The following GPC3 variants were observed in gnomAD, a reference collection of about 807,000 sequenced individuals.
GPC3 encodes glypican 3, also known as glypican-3.
Under a neutral mutation model 34.4 loss-of-function variants are expected in GPC3, and 3 were observed. The ratio of observed to expected loss-of-function variants is 0.09; its 90% confidence interval spans 0.04 to 0.23. The LOEUF (loss-of-function observed/expected upper bound fraction) is 0.23. Ranked by LOEUF, GPC3 falls within the 10% of genes least tolerant of loss-of-function variation. The probability of loss-of-function intolerance (pLI) is 1.00; values close to 1 mark genes in which losing one functional copy is unlikely to be tolerated. For missense variants in GPC3, 351 were observed against 445.6 expected (o/e 0.79, Z 1.91); for synonymous variants, 177 against 174.0 (o/e 1.02, Z -0.13).
intron 6 of GPC3, among the ~76,000 whole-genome samples, chrX:133,617,565 G>A (rs1371991104): frequency 4.5e-5 from 5 of 112,080 alleles, no homozygotes; most frequent in African/African-American, 1.6e-4. Flanking sequence ...TGTACTAAAT[G>A]CTCAAAAGAG....
At chrX:133,671,399 T>C (rs1251656957) in intron 5 of GPC3, 1 of 511,703 alleles carries the variant, frequency 2.0e-6, no homozygotes, top group African/African-American at 2.4e-5. Flanking sequence ...GGCTGCAATA[T>C]GTTATCTGCG....
intron 2 of GPC3, among the ~76,000 whole-genome samples, chrX:133,881,582 T>C (rs1395126235): frequency 8.9e-6 from 1 of 112,710 alleles, no homozygotes; most frequent in Non-Finnish European, 1.9e-5. Context: ...TTGATCATCA[T>C]GTATGTTTCA....
intron 2 of GPC3, among the ~76,000 whole-genome samples, chrX:133,757,077 G>A (rs952811358): frequency 1.8e-5 from 2 of 112,248 alleles, no homozygotes; most frequent in African/African-American, 6.5e-5. Context: ...TCTTTCCTGG[G>A]AAGAAATCAA....
chrX:133,865,192 C>A (rs1238775226), intron 2 of GPC3, among the ~76,000 whole-genome samples: 1 of 112,013 alleles, frequency 8.9e-6, no homozygotes, highest in African/African-American at 3.2e-5. Flanking sequence ...CCTCTGTCAT[C>A]AAAAATTCAA....
intron 3 of GPC3, among the ~76,000 whole-genome samples, chrX:133,717,469 T>C (rs1462014995): frequency 9.0e-6 from 1 of 111,445 alleles, no homozygotes; most frequent in Non-Finnish European, 1.9e-5. Flanking sequence ...CCTAATTGGT[T>C]ATGTTATCTA....
At chrX:133,795,427 G>C (rs949776996) in intron 2 of GPC3, among the ~76,000 whole-genome samples, 2 of 111,355 alleles carry the variant, frequency 1.8e-5, no homozygotes, top group African/African-American at 6.5e-5. Context: ...GTCACACATG[G>C]TCCCAATTCC....
chrX:133,843,239 A>G (rs769417478), intron 2 of GPC3, among the ~76,000 whole-genome samples: 1 of 111,208 alleles, frequency 9.0e-6, no homozygotes, highest in Non-Finnish European at 1.9e-5. Flanking sequence ...TCTATTCCCA[A>G]TGTTGGAGGT....
At chrX:133,858,101 G>A (rs1249931076) in intron 2 of GPC3, among the ~76,000 whole-genome samples, 1 of 111,495 alleles carries the variant, frequency 9.0e-6, no homozygotes, top group Non-Finnish European at 1.9e-5. Context: ...GTGGAACAAT[G>A]GGAAACTCAG....
chrX:133,894,703 C>T (rs1333093887), intron 2 of GPC3, among the ~76,000 whole-genome samples: 1 of 111,401 alleles, frequency 9.0e-6, no homozygotes, highest in African/African-American at 3.3e-5. Flanking sequence ...AGCCGGGCAT[C>T]GCGGTGCGTG....
chrX:133,831,234 T>C (rs938628260), intron 2 of GPC3, among the ~76,000 whole-genome samples: 3 of 111,762 alleles, frequency 2.7e-5, no homozygotes, highest in African/African-American at 9.8e-5. Context: ...AAAATACATT[T>C]TTAAAGTGTA....
intron 5 of GPC3, among the ~76,000 whole-genome samples, chrX:133,668,329 A>T (rs1267245289): frequency 1.8e-5 from 2 of 111,813 alleles, no homozygotes; most frequent in Non-Finnish European, 3.8e-5. Context: ...AGAGGCAAAG[A>T]ACATATTCAA....
At chrX:133,729,747 A>T (rs1261028756) in intron 3 of GPC3, among the ~76,000 whole-genome samples, 1 of 112,401 alleles carries the variant, frequency 8.9e-6, no homozygotes, top group Admixed American at 9.5e-5. Flanking sequence ...TTAACCAGGT[A>T]ACAAAAGAAT....
At chrX:133,590,031 G>A (rs981837272) in intron 7 of GPC3, among the ~76,000 whole-genome samples, 3 of 111,168 alleles carry the variant, frequency 2.7e-5, no homozygotes, top group Non-Finnish European at 3.8e-5. Flanking sequence ...CTCATGGAGG[G>A]AATTAGTCCC....
At chrX:133,759,559 A>G (rs1338806965) in intron 2 of GPC3, among the ~76,000 whole-genome samples, 1 of 112,463 alleles carries the variant, frequency 8.9e-6, no homozygotes. Flanking sequence ...TTGGACATCC[A>G]CATGCAAAAA....
chrX:133,828,779 T>C (rs1301226603), intron 2 of GPC3, among the ~76,000 whole-genome samples: 2 of 110,847 alleles, frequency 1.8e-5, no homozygotes, highest in South Asian at 3.8e-4. Context: ...GCATGGTGTC[T>C]ACAGTTAATA....
At position 133,968,848 on chromosome X, in the gene GPC3, C is replaced by T. The variant is rs191142896; in HGVS notation, c.176-15637G>A. ...AAGGATAGAATAGGGGATACTTAGG[C>T]TGCACTTTTGCACTGATACCCATTT... On this transcript the variant is annotated intron_variant, in intron 1 of 7. Coordinates refer to ENST00000370818, the MANE Select transcript of GPC3 (RefSeq NM_004484.4). Among the ~76,000 whole-genome samples, 10 of 109,935 alleles carry T rather than the reference C, an allele frequency of 9.1e-5. No homozygotes were observed. In the East Asian group the frequency reaches 2.9e-3, roughly 31 times the overall value.
intron 7 of GPC3, among the ~76,000 whole-genome samples, chrX:133,551,413 C>T (rs1233432974): frequency 8.9e-6 from 1 of 111,883 alleles, no homozygotes; most frequent in Non-Finnish European, 1.9e-5. Flanking sequence ...AATTCTTTAA[C>T]CTAAAAGTTC....
At chrX:133,620,908 C>T (rs1449799918) in intron 6 of GPC3, among the ~76,000 whole-genome samples, 2 of 111,437 alleles carry the variant, frequency 1.8e-5, no homozygotes, top group Non-Finnish European at 3.8e-5. Context: ...AACCAATGTA[C>T]ATCTTACATG....
chrX:133,750,574 C>T (rs1006940034), intron 3 of GPC3, among the ~76,000 whole-genome samples: 4 of 112,254 alleles, frequency 3.6e-5, no homozygotes, highest in Non-Finnish European at 7.5e-5. Context: ...TTCAGTTACA[C>T]GTCTGTCTAC....
Sources: allele counts gnomAD v4.1 joint callset (sites outside exome capture counted in the v4.1 genomes callset), GRCh38; gene constraint gnomAD v4.1.1; transcripts MANE v1.5; gene names NCBI Gene and HGNC (gene_info 2026-07-23, HGNC 2026-07-21).